CDYL2: variants seen among roughly 807,000 people sequenced by gnomAD.
The protein encoded by CDYL2 is chromodomain Y-like protein 2.
In CDYL2, 23 loss-of-function variants were observed where a neutral mutation model predicts 49.4. That is an observed-to-expected ratio of 0.47 (90% confidence interval 0.34 to 0.66). CDYL2 has a LOEUF of 0.66. Among genes scored for constraint, CDYL2 ranks in the 30% least tolerant of loss-of-function variants. CDYL2 has a pLI of 0.01. For synonymous variants in CDYL2, 360 were observed against 268.8 expected (o/e 1.34, Z -3.32); for missense variants, 678 against 656.4 (o/e 1.03, Z -0.36).
intron 1 of CDYL2, among the ~76,000 whole-genome samples, chr16:80,714,518 C>T (rs1904730425): frequency 6.6e-6 from 1 of 152,102 alleles, no homozygotes; most frequent in Admixed American, 6.5e-5. Flanking sequence ...AATCAAGAGG[C>T]TGCTGCCCAC....
chr16:80,768,343 C>G (rs1906794434), intron 1 of CDYL2, among the ~76,000 whole-genome samples: 1 of 152,220 alleles, frequency 6.6e-6, no homozygotes. Flanking sequence ...ACATCAACAC[C>G]TCAAGTGTTT....
rs1407459686 is a variant in CDYL2, at chr16:80,676,961, G to GTCTTTTTTT, written c.616+7576_616+7577insAAAAAAAGA. 1.8e-5 allele frequency among the ~76,000 whole-genome samples: 2 copies of GTCTTTTTTT among 110,518 alleles called. 1 individual carries two copies. Among genetic ancestry groups the GTCTTTTTTT allele is most frequent in the Non-Finnish European group, 3.7e-5 (2 of 53,550 alleles). The allele number at this position is 110,518 out of a possible 152,430, so 72.5% of individuals were successfully genotyped here. A position where few individuals can be genotyped will look rare whatever the true frequency, so the allele number is the denominator to read the frequency against. On this transcript the variant is annotated intron_variant, in intron 2 of 6. Transcript: ENST00000570137. Reference sequence around the variant, plus strand: ...AGGACTTTTTAACAACCAATTCAATGTATTTTTTTTTTTTTTTTTTTTTTT... The same window carrying GTCTTTTTTT: ...AGGACTTTTTAACAACCAATTCAATGTCTTTTTTTTATTTTTTTTTTTTTTTTTTTTTTT...
chr16:80,765,167 T>G (rs1906677301), intron 1 of CDYL2, among the ~76,000 whole-genome samples: 1 of 141,148 alleles, frequency 7.1e-6, no homozygotes, highest in Non-Finnish European at 1.5e-5. Context: ...ACAATATATA[T>G]AATATATTAT....
chr16:80,658,691 C>T (rs1215439714), intron 2 of CDYL2, among the ~76,000 whole-genome samples: 2 of 152,102 alleles, frequency 1.3e-5, no homozygotes, highest in African/African-American at 4.8e-5. Context: ...TATTTCCTAG[C>T]TCTGTCAGCT....
At chr16:80,792,188 C>A (rs1907631403) in intron 1 of CDYL2, among the ~76,000 whole-genome samples, 1 of 152,092 alleles carries the variant, frequency 6.6e-6, no homozygotes, top group Admixed American at 6.5e-5. Flanking sequence ...ATAGATAGTT[C>A]CAGAGCTCAG....
rs367674166 is a variant in CDYL2 at position 80,677,514 on chromosome 16, G to A, written c.616+7024C>T. Among the ~76,000 whole-genome samples the A allele has an allele frequency of 7.2e-5, 11 of 152,056 alleles. No homozygotes were observed. The East Asian group carries it at 9.7e-4, about 13-fold the overall frequency. ...AGCACTTTGGGAGGCTGAGGCGGGC[G>A]GACCACGAGGTCAGGAGATGAGACC... On this transcript the variant is annotated intron_variant, in intron 2 of 6. Transcript: ENST00000570137.
chr16:80,787,489 C>T (rs111560594), intron 1 of CDYL2, among the ~76,000 whole-genome samples: 10 of 152,322 alleles, frequency 6.6e-5, no homozygotes, highest in African/African-American at 2.2e-4. Flanking sequence ...GACTTGACAG[C>T]ATCTAAGACA....
At chr16:80,802,138 C>T (rs1318181772) in intron 1 of CDYL2, among the ~76,000 whole-genome samples, 1 of 152,152 alleles carries the variant, frequency 6.6e-6, no homozygotes, top group Non-Finnish European at 1.5e-5. Flanking sequence ...ACGACAATTA[C>T]CAGCGTTAAG....
intron 6 of CDYL2, among the ~76,000 whole-genome samples, chr16:80,607,388 C>A (rs939211054): frequency 6.6e-6 from 1 of 152,082 alleles, no homozygotes; most frequent in African/African-American, 2.4e-5. Flanking sequence ...GGGTCTGGCC[C>A]CAAAAATGCA....
chr16:80,691,505 T>G (rs1391422096), intron 1 of CDYL2, among the ~76,000 whole-genome samples: 1 of 152,204 alleles, frequency 6.6e-6, no homozygotes, highest in Admixed American at 6.5e-5. Flanking sequence ...ACTGGGGGAC[T>G]CTGTGGCATC....
intron 2 of CDYL2, among the ~76,000 whole-genome samples, chr16:80,681,001 C>A (rs924770294): frequency 6.6e-6 from 1 of 151,994 alleles, no homozygotes; most frequent in East Asian, 1.9e-4. Flanking sequence ...CTGCTGCACA[C>A]GCCCCACAAA....
chr16:80,785,581 C>A (rs1474380573), intron 1 of CDYL2, among the ~76,000 whole-genome samples: 1 of 152,152 alleles, frequency 6.6e-6, no homozygotes, highest in Non-Finnish European at 1.5e-5. Flanking sequence ...CAAGCTACCA[C>A]TGACTTTTTT....
chr16:80,662,208 C>T (rs922333373), intron 2 of CDYL2, among the ~76,000 whole-genome samples: 1 of 152,156 alleles, frequency 6.6e-6, no homozygotes, highest in Non-Finnish European at 1.5e-5. Context: ...TGAGTGAGAT[C>T]CCACCTCTCA....
At chr16:80,706,447 C>A (rs574769344) in intron 1 of CDYL2, among the ~76,000 whole-genome samples, 2 of 152,182 alleles carry the variant, frequency 1.3e-5, no homozygotes, top group South Asian at 4.1e-4. Flanking sequence ...ACTATTTTTG[C>A]CTCTCTGAGC....
rs141436093 is a variant in CDYL2, at chr16:80,607,605, T to C, written c.1362+487A>G. Among the ~76,000 whole-genome samples the C allele has an allele frequency of 4.4e-3, 670 of 152,310 alleles. 1 individual carries two copies. Among genetic ancestry groups the C allele is most frequent in the Non-Finnish European group, 7.7e-3 (522 of 68,026 alleles). On this transcript the variant is annotated intron_variant, in intron 6 of 6. Transcript: ENST00000570137. ...AAAAACCACTGCCTCTGCAGAGGTG[T>C]TATTTGTTTATGTATTTTTCAGTGC...
Position 80,604,130 on chromosome 16 carries a change from G to T in CDYL2, c.*258C>A. ...GGGGAAAGGACAGCGGTGCTTGGCG[G>T]AGCCCTGGGAAGATACAGCCTTGGA... On this transcript the variant is annotated 3_prime_UTR_variant, in exon 7 of 7. Coordinates refer to ENST00000570137, the MANE Select transcript of CDYL2 (RefSeq NM_152342.4). 1 of 511,808 alleles carries T rather than the reference G, an allele frequency of 2.0e-6. No homozygotes were observed. Among genetic ancestry groups the T allele is most frequent in the South Asian group, 2.5e-5 (1 of 40,700 alleles). 31.7% of individuals were successfully genotyped at this position (511,808 alleles called of 1,614,324 possible).
At chr16:80,648,336 A>C (rs1908441208) in intron 2 of CDYL2, among the ~76,000 whole-genome samples, 1 of 152,194 alleles carries the variant, frequency 6.6e-6, no homozygotes, top group Admixed American at 6.5e-5. Flanking sequence ...CTGATACTGC[A>C]GAAATTCAAA....
intron 1 of CDYL2, among the ~76,000 whole-genome samples, chr16:80,758,683 C>T (rs1353439411): frequency 6.6e-6 from 1 of 151,762 alleles, no homozygotes; most frequent in Non-Finnish European, 1.5e-5. Flanking sequence ...GCTGGGACTA[C>T]AGGCACCCGC....
intron 1 of CDYL2, among the ~76,000 whole-genome samples, chr16:80,783,022 A>G (rs1907323619): frequency 6.6e-6 from 1 of 152,164 alleles, no homozygotes; most frequent in Non-Finnish European, 1.5e-5. Context: ...AGCTAAGGCA[A>G]TGAAAGAAAA....
Sources: allele counts gnomAD v4.1 joint callset (sites outside exome capture counted in the v4.1 genomes callset), GRCh38; gene constraint gnomAD v4.1.1; transcripts MANE v1.5; gene names NCBI Gene and HGNC (gene_info 2026-07-23, HGNC 2026-07-21).